Variants in WDPCP observed in about 807,000 individuals in gnomAD.
WDPCP encodes WD repeat-containing and planar cell polarity effector protein fritz homolog.
WDPCP carries 71 observed loss-of-function variants against 93.1 expected under a neutral mutation model. The ratio of observed to expected loss-of-function variants is 0.76; its 90% CI spans 0.63 to 0.93. The LOEUF (loss-of-function observed/expected upper bound fraction) is 0.93. Ranked by LOEUF, WDPCP falls within the 40% of genes least tolerant of loss-of-function variation. The pLI is 0.00. For missense variants in WDPCP, 844 were observed against 887.4 expected (o/e 0.95, Z 0.62); for synonymous variants, 315 against 315.0 (o/e 1.00, Z 0.00).
chr2:63,652,987 T>C (rs1471935469), intron 2 of WDPCP, among the ~76,000 whole-genome samples: 1 of 151,308 alleles, frequency 6.6e-6, no homozygotes, highest in Non-Finnish European at 1.5e-5. Context: ...TATTGGATAA[T>C]AGGCAGTGCA....
chr2:63,289,851 C>T (rs1215460582), intron 13 of WDPCP, among the ~76,000 whole-genome samples: 3 of 151,782 alleles, frequency 2.0e-5, no homozygotes, highest in Non-Finnish European at 4.4e-5. Flanking sequence ...TAATGTCTCT[C>T]TTATCTCTGG....
intron 2 of WDPCP, among the ~76,000 whole-genome samples, chr2:63,671,355 G>A (rs186244285): frequency 8.5e-5 from 13 of 152,166 alleles, no homozygotes; most frequent in East Asian, 1.9e-4. Context: ...GTCTTCTGAC[G>A]GCTACTTTGG....
chr2:63,471,745 A>T (rs1354941308), intron 6 of WDPCP, among the ~76,000 whole-genome samples: 1 of 152,194 alleles, frequency 6.6e-6, no homozygotes, highest in African/African-American at 2.4e-5. Context: ...ACTAAGGCAC[A>T]GTCATTCTAA....
At chr2:63,718,870 T>A (rs1249938660) in intron 2 of WDPCP, among the ~76,000 whole-genome samples, 2 of 152,212 alleles carry the variant, frequency 1.3e-5, no homozygotes, top group Admixed American at 6.5e-5. Flanking sequence ...GCTTATCAGT[T>A]ACTGTTAGAC....
chr2:63,585,229 G>A (rs1026502553), intron 1 of WDPCP, among the ~76,000 whole-genome samples: 6 of 152,030 alleles, frequency 3.9e-5, no homozygotes, highest in Non-Finnish European at 5.9e-5. Context: ...GAATTACTAC[G>A]TTTAAGATTC....
At chr2:63,641,355 G>A (rs918866461) in intron 3 of WDPCP, among the ~76,000 whole-genome samples, 1 of 151,936 alleles carries the variant, frequency 6.6e-6, no homozygotes, top group African/African-American at 2.4e-5. Flanking sequence ...TTAGATGTTT[G>A]AGGAACCTCC....
At chr2:63,785,853 C>T (rs1370738304) in intron 2 of WDPCP, among the ~76,000 whole-genome samples, 4 of 152,084 alleles carry the variant, frequency 2.6e-5, no homozygotes, top group Admixed American at 6.6e-5. Flanking sequence ...TTTATTAAGA[C>T]GGTATGATCA....
intron 17 of WDPCP, among the ~76,000 whole-genome samples, chr2:63,127,121 CTTTTT>C (rs66754554): frequency 1.7e-5 from 2 of 119,848 alleles, no homozygotes; most frequent in Non-Finnish European, 3.4e-5. Context: ...ACATATTTAA[CTTTTT>C]TTTTTTTTTT....
intron 2 of WDPCP, among the ~76,000 whole-genome samples, chr2:63,767,614 G>A (rs536394826): frequency 4.0e-5 from 6 of 151,896 alleles, no homozygotes; most frequent in Non-Finnish European, 7.4e-5. Context: ...CTTTTTATGT[G>A]CTTATTTGCC....
chr2:63,643,556 A>G, intron 3 of WDPCP: 1 of 429,934 alleles, frequency 2.3e-6, no homozygotes, highest in Non-Finnish European at 4.5e-6. Context: ...GCCAGTCTCC[A>G]AACCAATCTG....
intron 2 of WDPCP, among the ~76,000 whole-genome samples, chr2:63,798,871 G>A (rs1300211600): frequency 1.3e-5 from 2 of 152,048 alleles, no homozygotes; most frequent in Non-Finnish European, 2.9e-5. Context: ...TGAAAATAAA[G>A]GAATGGAACA....
At chr2:63,723,421 G>C (rs1233464898) in intron 2 of WDPCP, among the ~76,000 whole-genome samples, 1 of 151,604 alleles carries the variant, frequency 6.6e-6, no homozygotes, top group East Asian at 1.9e-4. Context: ...CCTTTTCCCT[G>C]GTCAGATTCT....
intron 1 of WDPCP, among the ~76,000 whole-genome samples, chr2:63,572,071 T>A (rs911033822): frequency 6.6e-6 from 1 of 152,168 alleles, no homozygotes; most frequent in African/African-American, 2.4e-5. Context: ...GACGTATAGA[T>A]AATCAGGCTC....
chr2:63,370,722 A>T (rs1558531518), intron 12 of WDPCP, among the ~76,000 whole-genome samples: 1 of 152,074 alleles, frequency 6.6e-6, no homozygotes. Flanking sequence ...TTTCTTTTTT[A>T]GTCAGTTTTG....
At chr2:63,428,140 C>G (rs1468505616) in intron 9 of WDPCP, among the ~76,000 whole-genome samples, 1 of 150,792 alleles carries the variant, frequency 6.6e-6, no homozygotes, top group Non-Finnish European at 1.5e-5. Context: ...CGAATTCTAC[C>G]AGACGTAAAA....
intron 1 of WDPCP, among the ~76,000 whole-genome samples, chr2:63,512,738 G>A (rs1222462572): frequency 6.6e-6 from 1 of 152,018 alleles, no homozygotes; most frequent in Non-Finnish European, 1.5e-5. Context: ...ACTGGGGCCT[G>A]TTGGGAGTTG....
At chr2:63,277,869 A>G (rs1683205681) in intron 13 of WDPCP, among the ~76,000 whole-genome samples, 1 of 152,232 alleles carries the variant, frequency 6.6e-6, no homozygotes, top group Non-Finnish European at 1.5e-5. Flanking sequence ...TCAAGAAACA[A>G]TGGACTTAAA....
At chr2:63,186,381 A>G (rs1420920993) in intron 14 of WDPCP, among the ~76,000 whole-genome samples, 3 of 152,124 alleles carry the variant, frequency 2.0e-5, no homozygotes, top group South Asian at 2.1e-4. Flanking sequence ...CCAGCACTCC[A>G]TTCTCCAGCC....
chr2:63,349,117 T>G (rs1309185758), intron 12 of WDPCP, among the ~76,000 whole-genome samples: 1 of 152,184 alleles, frequency 6.6e-6, no homozygotes, highest in African/African-American at 2.4e-5. Context: ...TGTAAAAAAT[T>G]TACATGGATT....
Sources: allele counts gnomAD v4.1 joint callset (sites outside exome capture counted in the v4.1 genomes callset), GRCh38; gene constraint gnomAD v4.1.1; transcripts MANE v1.5; gene names NCBI Gene and HGNC (gene_info 2026-07-23, HGNC 2026-07-21).